ZNF385D: variants seen among roughly 807,000 people sequenced by gnomAD.
The protein encoded by ZNF385D is zinc finger protein 659.
ZNF385D carries 15 observed loss-of-function variants against 35.8 expected under a neutral mutation model. That is an observed-to-expected ratio of 0.42 (90% CI 0.28 to 0.64). The LOEUF is 0.64. Among genes scored for constraint, ZNF385D ranks in the 30% least tolerant of loss-of-function variants. The pLI is 0.23. For synonymous variants in ZNF385D, 212 were observed against 186.8 expected (o/e 1.13, Z -1.10); for missense variants, 474 against 494.6 (o/e 0.96, Z 0.39).
intron 3 of ZNF385D, among the ~76,000 whole-genome samples, chr3:22,028,286 G>A (rs1197922566): frequency 1.3e-5 from 2 of 152,144 alleles, no homozygotes; most frequent in Non-Finnish European, 2.9e-5. Flanking sequence ...GACCTGTTCT[G>A]TCAACACAAC....
At chr3:22,258,619 G>A (rs921324466) in intron 2 of ZNF385D, among the ~76,000 whole-genome samples, 1 of 151,510 alleles carries the variant, frequency 6.6e-6, no homozygotes, top group Non-Finnish European at 1.5e-5. Context: ...AAACTTTTTG[G>A]TCTCAGAACT....
intron 3 of ZNF385D, among the ~76,000 whole-genome samples, chr3:22,089,589 C>G (rs1289689136): frequency 6.6e-6 from 1 of 152,070 alleles, no homozygotes; most frequent in Non-Finnish European, 1.5e-5. Flanking sequence ...AGCTCATGAC[C>G]TCCGTGGCCT....
At chr3:22,290,464 G>C (rs910873483) in intron 2 of ZNF385D, among the ~76,000 whole-genome samples, 2 of 152,140 alleles carry the variant, frequency 1.3e-5, no homozygotes, top group African/African-American at 4.8e-5. Flanking sequence ...AGAAGAAGCT[G>C]GGAAGGGGAC....
intron 3 of ZNF385D, among the ~76,000 whole-genome samples, chr3:22,045,887 G>C (rs916788616): frequency 3.9e-5 from 6 of 152,018 alleles, no homozygotes; most frequent in African/African-American, 1.5e-4. Flanking sequence ...ATCAGAGGTA[G>C]AATTATAATG....
chr3:21,615,102 C>G (rs934012209), intron 2 of ZNF385D, among the ~76,000 whole-genome samples: 1 of 152,134 alleles, frequency 6.6e-6, no homozygotes, highest in African/African-American at 2.4e-5. Context: ...AATATGATCC[C>G]CATTGTTGAA....
intron 3 of ZNF385D, among the ~76,000 whole-genome samples, chr3:21,956,006 C>T (rs1051101433): frequency 4.0e-5 from 6 of 151,822 alleles, no homozygotes; most frequent in South Asian, 4.2e-4. Context: ...GAAAACATGG[C>T]GAGAACCTGT....
rs149764910 is a variant in ZNF385D at position 22,025,240 on chromosome 3, T to C, written c.325+143577A>G. ...TCCACTTCTGTCTAAGGACATAAAC[T>C]ATGCACTGCCTGAGGCAACAGTGAT... On this transcript the variant is annotated intron_variant, in intron 3 of 5. Coordinates refer to the ZNF385D transcript ENST00000494108. 8.3e-3 allele frequency among the ~76,000 whole-genome samples: 1,258 copies of C among 152,266 alleles called. 17 individuals carry two copies. Among genetic ancestry groups the C allele is most frequent in the African/African-American group, 0.027 (1,119 of 41,560 alleles).
intron 1 of ZNF385D, among the ~76,000 whole-genome samples, chr3:21,730,406 A>G (rs2068941222): frequency 6.6e-6 from 1 of 152,244 alleles, no homozygotes; most frequent in Admixed American, 6.5e-5. Flanking sequence ...GCCATTTTAA[A>G]AGAATACATT....
At chr3:22,143,207 G>C (rs1042562729) in intron 3 of ZNF385D, among the ~76,000 whole-genome samples, 2 of 151,524 alleles carry the variant, frequency 1.3e-5, no homozygotes, top group African/African-American at 4.8e-5. Context: ...CTCAGCCTCC[G>C]GAGTAGCAGC....
At chr3:21,884,003 T>C (rs1430635916) in intron 3 of ZNF385D, among the ~76,000 whole-genome samples, 1 of 152,008 alleles carries the variant, frequency 6.6e-6, no homozygotes, top group Non-Finnish European at 1.5e-5. Flanking sequence ...GTGTATGTTA[T>C]GAGAGGGTTG....
intron 3 of ZNF385D, among the ~76,000 whole-genome samples, chr3:21,876,161 C>T (rs1697953173): frequency 6.6e-6 from 1 of 150,632 alleles, no homozygotes; most frequent in Admixed American, 6.6e-5. Context: ...GTAAAGCAAG[C>T]AAGCAAACAA....
chr3:22,021,078 T>A (rs75002992), intron 3 of ZNF385D, among the ~76,000 whole-genome samples: 1 of 151,696 alleles, frequency 6.6e-6, no homozygotes, highest in African/African-American at 2.4e-5. Flanking sequence ...CCCATGGACA[T>A]AGAGAGTGAA....
At chr3:22,291,311 T>C (rs1027108764) in intron 2 of ZNF385D, among the ~76,000 whole-genome samples, 1 of 152,172 alleles carries the variant, frequency 6.6e-6, no homozygotes, top group Non-Finnish European at 1.5e-5. Flanking sequence ...GATTATAGTG[T>C]TGTTCAACAT....
intron 2 of ZNF385D, among the ~76,000 whole-genome samples, chr3:22,249,322 T>C (rs970874234): frequency 6.6e-6 from 1 of 152,178 alleles, no homozygotes; most frequent in Non-Finnish European, 1.5e-5. Flanking sequence ...CAAACAATAA[T>C]GTGTCTTGAT....
At chr3:21,466,411 T>C (rs1703521010) in intron 4 of ZNF385D, among the ~76,000 whole-genome samples, 1 of 152,188 alleles carries the variant, frequency 6.6e-6, no homozygotes, top group African/African-American at 2.4e-5. Context: ...CATGGTTCAT[T>C]CTTCCTCCTC....
chr3:22,125,406 T>G (rs953212593), intron 3 of ZNF385D, among the ~76,000 whole-genome samples: 5 of 152,122 alleles, frequency 3.3e-5, no homozygotes, highest in Non-Finnish European at 7.4e-5. Flanking sequence ...GGGACTTTTA[T>G]GGTTCCATAT....
chr3:22,071,212 T>C (rs1700213527), intron 3 of ZNF385D, among the ~76,000 whole-genome samples: 3 of 152,168 alleles, frequency 2.0e-5, no homozygotes, highest in South Asian at 4.1e-4. Context: ...ATTCATAATA[T>C]TTGACATACA....
intron 3 of ZNF385D, among the ~76,000 whole-genome samples, chr3:21,936,890 G>T (rs1291803011): frequency 6.6e-6 from 1 of 152,132 alleles, no homozygotes; most frequent in Non-Finnish European, 1.5e-5. Flanking sequence ...GTTGTAACTA[G>T]GTTAGCAGTG....
chr3:21,511,958 C>G (rs1307090020), intron 3 of ZNF385D, among the ~76,000 whole-genome samples: 1 of 151,222 alleles, frequency 6.6e-6, no homozygotes, highest in Non-Finnish European at 1.5e-5. Context: ...ACTATCCTGG[C>G]CAACATGGTG....
Sources: allele counts gnomAD v4.1 joint callset (sites outside exome capture counted in the v4.1 genomes callset), GRCh38; gene constraint gnomAD v4.1.1; transcripts MANE v1.5; gene names NCBI Gene and HGNC (gene_info 2026-07-23, HGNC 2026-07-21).